Variants in TNFRSF10A observed in about 807,000 individuals in gnomAD.
TNFRSF10A encodes the protein TNF receptor superfamily member 10a, also known as tumor necrosis factor receptor superfamily member 10A.
TNFRSF10A carries 44 observed loss-of-function variants against 42.8 expected under a neutral mutation model. The ratio of observed to expected loss-of-function variants is 1.03; its 90% CI spans 0.81 to 1.32. TNFRSF10A has a LOEUF of 1.32. TNFRSF10A is among the 40% of genes most tolerant of loss of function. The probability of loss-of-function intolerance (pLI) is 0.00; values close to 1 mark genes in which losing one functional copy is unlikely to be tolerated. For missense variants in TNFRSF10A, 680 were observed against 602.0 expected (o/e 1.13, Z -1.36); for synonymous variants, 259 against 234.2 (o/e 1.11, Z -0.97).
intron 1 of TNFRSF10A, among the ~76,000 whole-genome samples, chr8:23,220,129 GAT>G (rs1344131601): frequency 6.6e-6 from 1 of 152,138 alleles, no homozygotes; most frequent in Non-Finnish European, 1.5e-5. Context: ...CATTATCACA[GAT>G]ACCTGCCTGG....
intron 1 of TNFRSF10A, among the ~76,000 whole-genome samples, chr8:23,215,970 C>T (rs556252987): frequency 6.6e-6 from 1 of 152,130 alleles, no homozygotes; most frequent in African/African-American, 2.4e-5. Flanking sequence ...AGGCATGTGC[C>T]ACCACGCCTG....
chr8:23,197,083 G>A (rs369806055), intron 9 of TNFRSF10A, 49 bp downstream of exon 9: 96 of 1,611,502 alleles, frequency 6.0e-5, no homozygotes, highest in African/African-American at 4.5e-4. Context: ...TTAGGACACC[G>A]TCCCTATTCC....
chr8:23,206,669 T>C (rs1031617766), intron 2 of TNFRSF10A, among the ~76,000 whole-genome samples: 6 of 152,150 alleles, frequency 3.9e-5, no homozygotes, highest in African/African-American at 1.2e-4. Flanking sequence ...GGCATGACTG[T>C]ATTAGAATCA....
At chr8:23,216,423 T>G (rs1801181523) in intron 1 of TNFRSF10A, among the ~76,000 whole-genome samples, 1 of 152,116 alleles carries the variant, frequency 6.6e-6, no homozygotes, top group South Asian at 2.1e-4. Flanking sequence ...TAAAATCAAT[T>G]TTTGAAGATT....
In TNFRSF10A at chr8:23,196,720, C is replaced by G. The variant is rs549723476; in HGVS notation, c.1087+412G>C. Among the ~76,000 whole-genome samples the G allele has an allele frequency of 3.3e-5, 5 of 152,284 alleles. No individual in the cohort carries two copies. In the South Asian group the frequency reaches 1.0e-3, roughly 32 times the overall value. ...ACAAAATAATGAGTGGAATATTTTC[C>G]ATTCTTTCTTGCATTAAGTCTTTGG... On this transcript the variant is annotated intron_variant, in intron 9 of 9. Transcript: ENST00000221132.
At chr8:23,214,849 A>C (rs1311313745) in intron 1 of TNFRSF10A, among the ~76,000 whole-genome samples, 1 of 152,248 alleles carries the variant, frequency 6.6e-6, no homozygotes, top group Non-Finnish European at 1.5e-5. Flanking sequence ...GGCACTTTAC[A>C]AACTGTCCCC....
chr8:23,193,593 C>G (rs760375726), intron 9 of TNFRSF10A, among the ~76,000 whole-genome samples: 1 of 152,004 alleles, frequency 6.6e-6, no homozygotes, highest in Non-Finnish European at 1.5e-5. Flanking sequence ...TGTTTCAGGG[C>G]AAGTGAGTGT....
chr8:23,200,002 G>A lies in TNFRSF10A; in HGVS notation c.800-85C>T, dbSNP rs1409532233. 6 of 1,541,668 alleles carry A rather than the reference G, an allele frequency of 3.9e-6. No homozygotes were observed. The African/African-American group carries it at 5.4e-5, about 14-fold the overall frequency. ...AGAGGGCAGTGTTGGGCAGGGGTGG[G>A]CTGGGGGCTGGGACACTGGACAAAG... On this transcript the variant is annotated intron_variant, in intron 6 of 9. Transcript: ENST00000221132.
intron 6 of TNFRSF10A, 111 bp from the exon 7 acceptor site, chr8:23,200,028 A>T: frequency 1.4e-6 from 2 of 1,383,894 alleles, no homozygotes. Context: ...CTGGACAAAG[A>T]TCCCCGGGCC....
chr8:23,199,512 C>T, intron 7 of TNFRSF10A, 64 bp from the exon 8 acceptor site: 1 of 1,565,694 alleles, frequency 6.4e-7, no homozygotes, highest in Non-Finnish European at 8.7e-7. Flanking sequence ...GTCCGTAGGG[C>T]ACGGCTGGAC....
chr8:23,220,622 GCTGGTGT>G (rs1801244093), intron 1 of TNFRSF10A, among the ~76,000 whole-genome samples: 1 of 152,230 alleles, frequency 6.6e-6, no homozygotes, highest in African/African-American at 2.4e-5. Flanking sequence ...CATGCTCAGG[GCTGGTGT>G]CAGTCACTCA....
At chr8:23,208,118 G>C (rs562604952) in intron 2 of TNFRSF10A, among the ~76,000 whole-genome samples, 10 of 152,278 alleles carry the variant, frequency 6.6e-5, no homozygotes, top group Non-Finnish European at 1.3e-4. Flanking sequence ...TAGTGATATG[G>C]ACAATAAAGT....
In TNFRSF10A at chr8:23,191,852, T is replaced by C; in HGVS notation, c.1249A>G (p.Asn417Asp). ...ATCGAGGCGTTCCGTCCAGTTTTGT[T>C]GACCCATTTCATCAGCATTGCATAC... is the stretch of plus-strand genomic sequence containing the variant. ...ALYAMLMKWV[N>D]KTGRNASIHT... The change falls in exon 10 of 10, where the codon AAC becomes GAC. Residue 417 changes from asparagine to aspartate, a missense_variant. Physicochemically the swap from Asn to Asp is conservative, Grantham distance 23. Coordinates refer to ENST00000221132, the MANE Select transcript of TNFRSF10A (RefSeq NM_003844.4). 9 of 1,546,078 alleles carry C rather than the reference T, an allele frequency of 5.8e-6. No homozygotes were observed. The highest frequency in any genetic ancestry group is 7.9e-6 in the Non-Finnish European group (9 of 1,144,490).
At chr8:23,217,950 C>A (rs1801207657) in intron 1 of TNFRSF10A, among the ~76,000 whole-genome samples, 1 of 152,086 alleles carries the variant, frequency 6.6e-6, no homozygotes, top group Non-Finnish European at 1.5e-5. Flanking sequence ...GGGAAAGGTC[C>A]ACATAGAGGG....
At chr8:23,193,952 T>C (rs1456934643) in intron 9 of TNFRSF10A, among the ~76,000 whole-genome samples, 2 of 152,184 alleles carry the variant, frequency 1.3e-5, no homozygotes, top group Non-Finnish European at 2.9e-5. Flanking sequence ...CTAAGCAGCA[T>C]TGGGCCTGAT....
At chr8:23,223,058 T>G (rs987470983) in intron 1 of TNFRSF10A, among the ~76,000 whole-genome samples, 12 of 152,142 alleles carry the variant, frequency 7.9e-5, no homozygotes, top group African/African-American at 2.6e-4. Context: ...AGCGTCAAGT[T>G]TTCTTTTTTA....
chr8:23,224,543 G>A (rs999929935), intron 1 of TNFRSF10A: 8 of 598,910 alleles, frequency 1.3e-5, no homozygotes, highest in Non-Finnish European at 2.0e-5. Flanking sequence ...GCCTCCTGCG[G>A]GAGGGGGCTC....
In TNFRSF10A at chr8:23,223,637, AAAACACGT is replaced by A. The variant is rs529779523; in HGVS notation, c.306+1111_306+1118del. ...TGGATTTTGTTTAGTTTGTTAAACA[AAAACACGT>A]AAAATTTCCTGACACTTGTAAGACT... On this transcript the variant is annotated intron_variant, in intron 1 of 9. Transcript: ENST00000221132. Among the ~76,000 whole-genome samples, 49 of 152,384 alleles carry A rather than the reference AAAACACGT, an allele frequency of 3.2e-4. No homozygotes were observed. The East Asian group carries it at 8.5e-3, about 26-fold the overall frequency.
intron 9 of TNFRSF10A, among the ~76,000 whole-genome samples, chr8:23,195,762 A>C (rs1037494823): frequency 6.6e-6 from 1 of 152,140 alleles, no homozygotes; most frequent in African/African-American, 2.4e-5. Flanking sequence ...GTGTTTCAGA[A>C]GAAACACAAT....
Sources: allele counts gnomAD v4.1 joint callset (sites outside exome capture counted in the v4.1 genomes callset), GRCh38; gene constraint gnomAD v4.1.1; transcripts MANE v1.5; gene names NCBI Gene and HGNC (gene_info 2026-07-23, HGNC 2026-07-21).